Variants in MXD1 observed in about 807,000 individuals in gnomAD.
The protein encoded by MXD1 is MAX dimerization protein 1.
Under a neutral mutation model 25.7 loss-of-function variants are expected in MXD1, and 9 were observed. The observed-to-expected ratio is 0.35, with a 90% CI of 0.21 to 0.61. The LOEUF (loss-of-function observed/expected upper bound fraction) is 0.61, where lower values mean the gene tolerates loss of function less well. Ranked by LOEUF, MXD1 falls within the 20% of genes least tolerant of loss-of-function variation. The probability of loss-of-function intolerance (pLI) is 0.75; values close to 1 mark genes in which losing one functional copy is unlikely to be tolerated. For missense variants in MXD1, 227 were observed against 292.4 expected (o/e 0.78, Z 1.63); for synonymous variants, 99 against 113.9 (o/e 0.87, Z 0.83).
At chr2:69,924,388 G>A (rs1397856799) in intron 3 of MXD1, among the ~76,000 whole-genome samples, 1 of 152,100 alleles carries the variant, frequency 6.6e-6, no homozygotes, top group Non-Finnish European at 1.5e-5. Flanking sequence ...GGTCTTTTAA[G>A]GTCTTGATAA....
intron 2 of MXD1, among the ~76,000 whole-genome samples, chr2:69,920,886 C>A (rs980652366): frequency 2.6e-5 from 4 of 152,178 alleles, no homozygotes; most frequent in Non-Finnish European, 4.4e-5. Context: ...TTAGGCCAGA[C>A]CTTGTCTTTA....
At chr2:69,934,417 C>G (rs1677371209) in intron 3 of MXD1, among the ~76,000 whole-genome samples, 1 of 152,218 alleles carries the variant, frequency 6.6e-6, no homozygotes, top group African/African-American at 2.4e-5. Context: ...CTCGTGCTCT[C>G]TCTTCAGTCA....
chr2:69,916,193 A>T lies in MXD1; in HGVS notation c.146A>T (p.Lys49Ile), dbSNP rs1228219961. The change falls in exon 2 of 6, where the codon AAA becomes ATA. Residue 49 changes from lysine to isoleucine, a missense_variant. Transcript: ENST00000264444. ...AGAGATGCCTTAAAACGGAGGAACA[A>T]ATCCAAAAAGAATAACAGCAGTAGC... The part of the protein sequence containing the change: ...KDRDALKRRN[K>I]SKKNNSSSRS... The T allele has an allele frequency of 6.2e-7, 1 of 1,611,156 alleles. No homozygotes were observed. The highest frequency in any genetic ancestry group is 1.3e-5 in the African/African-American group (1 of 74,868).
chr2:69,921,703 AT>A (rs1214775172), intron 2 of MXD1, 32 bp from the exon 3 acceptor site: 1 of 1,594,772 alleles, frequency 6.3e-7, no homozygotes, highest in East Asian at 2.3e-5. Flanking sequence ...AGACAAAAAT[AT>A]CTTATTCTTC....
chr2:69,916,462 C>T (rs976781141), intron 2 of MXD1: 1 of 308,146 alleles, frequency 3.2e-6, no homozygotes, highest in East Asian at 7.2e-5. Flanking sequence ...AATTTAATTT[C>T]ACTTTTCTTC....
chr2:69,921,397 A>T lies in MXD1; in HGVS notation c.174-339A>T, dbSNP rs1057487242. Among the ~76,000 whole-genome samples the T allele has an allele frequency of 3.3e-5, 5 of 152,332 alleles. No individual in the cohort carries two copies. The East Asian group carries it at 5.8e-4, about 18-fold the overall frequency. On this transcript the variant is annotated intron_variant, in intron 2 of 5. Coordinates refer to ENST00000264444, the MANE Select transcript of MXD1 (RefSeq NM_002357.4). ...CCTGTTCTACCCTTAGCCTACAGAA[A>T]GCTTTGTCGTATTATATAACGCAAA...
At chr2:69,937,052 G>A (rs1677465193) in intron 4 of MXD1, 183 bp from the exon 5 acceptor site, 1 of 797,540 alleles carries the variant, frequency 1.3e-6, no homozygotes, top group African/African-American at 1.7e-5. Context: ...ATGCTGAAGA[G>A]TCAGACGAAG....
intron 2 of MXD1, among the ~76,000 whole-genome samples, chr2:69,918,318 A>G (rs6718298): frequency 6.6e-6 from 1 of 152,012 alleles, no homozygotes; most frequent in Admixed American, 6.5e-5. Context: ...ATAAAAGATA[A>G]GATTTTGCCA....
In MXD1 at chr2:69,941,847, GA is replaced by G. The variant is rs1290947316; in HGVS notation, c.*3567del. ...TCCTTTCAAGAGAGAACTTATTTTT[GA>G]AAAGTATCTATATATACACACACAC... On this transcript the variant is annotated 3_prime_UTR_variant, in exon 6 of 6. Transcript: ENST00000264444. 6.7e-6 allele frequency: 1 copy of G among 149,914 alleles called. No individual in the cohort carries two copies. The highest frequency in any genetic ancestry group is 1.9e-4 in the East Asian group (1 of 5,162). The allele number at this position is 149,914 out of a possible 1,614,324, so 9.3% of individuals were successfully genotyped here.
At chr2:69,929,262 AC>A (rs1473409525) in intron 3 of MXD1, among the ~76,000 whole-genome samples, 1 of 152,220 alleles carries the variant, frequency 6.6e-6, no homozygotes, top group African/African-American at 2.4e-5. Flanking sequence ...ACACACACAT[AC>A]CCACACACCC....
intron 2 of MXD1, among the ~76,000 whole-genome samples, chr2:69,919,203 A>G (rs1340217128): frequency 6.6e-6 from 1 of 152,228 alleles, no homozygotes; most frequent in African/African-American, 2.4e-5. Flanking sequence ...TATTTTGGTA[A>G]GAATTTCCTG....
intron 3 of MXD1, among the ~76,000 whole-genome samples, chr2:69,934,404 ACT>A (rs1212356278): frequency 1.3e-5 from 2 of 152,082 alleles, no homozygotes; most frequent in East Asian, 3.9e-4. Context: ...AGTTGGAGCA[ACT>A]CTCGTGCTCT....
Position 69,925,917 on chromosome 2 carries a change from C to T in MXD1, c.203+4152C>T, listed in dbSNP as rs77087119. On this transcript the variant is annotated intron_variant, in intron 3 of 5. Coordinates refer to ENST00000264444, the MANE Select transcript of MXD1 (RefSeq NM_002357.4). ...CACAAGTTGATGTTATAACTTAAAA[C>T]CTTTATGAGTTTGATAAGTAAAAAA... 9.3e-5 allele frequency among the ~76,000 whole-genome samples: 14 copies of T among 150,040 alleles called. No individual in the cohort carries two copies. In the East Asian group the frequency reaches 2.7e-3, roughly 29 times the overall value.
In MXD1 at chr2:69,927,863, C is replaced by T. The variant is rs149485075; in HGVS notation, c.203+6098C>T. ...GCACAATTGTGAGAAATCTTCAAAA[C>T]CTTTTAGGGTTCCAATTAAGTTGGT... is the stretch of plus-strand genomic sequence containing the variant. On this transcript the variant is annotated intron_variant, in intron 3 of 5. Transcript: ENST00000264444. Among the ~76,000 whole-genome samples the T allele has an allele frequency of 3.3e-3, 500 of 152,234 alleles. 2 individuals are homozygous for T. Among genetic ancestry groups the T allele is most frequent in the Middle Eastern group, 0.031 (9 of 294 alleles).
At chr2:69,935,529 C>T in intron 4 of MXD1, 64 bp downstream of exon 4, 1 of 1,147,016 alleles carries the variant, frequency 8.7e-7, no homozygotes, top group Non-Finnish European at 1.3e-6. Flanking sequence ...TCTGTTGTTA[C>T]ATCTCCAGGA....
rs985934080 is a variant in MXD1 at position 69,938,550 on chromosome 2, C to T, written c.*266C>T. On this transcript the variant is annotated 3_prime_UTR_variant, in exon 6 of 6. Transcript: ENST00000264444. ...TTGAAGCATCCAAGAATTCTTAGAC[C>T]GAATAAGCAATGTCCACATCTCAGC... The T allele has an allele frequency of 3.7e-5, 15 of 403,498 alleles. No homozygotes were observed. Among genetic ancestry groups the T allele is most frequent in the Admixed American group, 1.2e-4 (3 of 24,820 alleles). The allele number at this position is 403,498 out of a possible 1,614,324, so 25.0% of individuals were successfully genotyped here.
At chr2:69,922,496 T>C (rs1677085817) in intron 3 of MXD1, among the ~76,000 whole-genome samples, 2 of 152,248 alleles carry the variant, frequency 1.3e-5, no homozygotes, top group Non-Finnish European at 1.5e-5. Flanking sequence ...TTAAATACAT[T>C]ATACACATAC....
At chr2:69,936,996 C>T (rs761091639) in intron 4 of MXD1, 2 of 632,212 alleles carry the variant, frequency 3.2e-6, no homozygotes, top group South Asian at 3.0e-5. Flanking sequence ...TGTGAGAGCT[C>T]ACCCCCAGAA....
At chr2:69,921,954 C>T (rs1677072077) in intron 3 of MXD1, among the ~76,000 whole-genome samples, 189 bp downstream of exon 3, 2 of 152,166 alleles carry the variant, frequency 1.3e-5, no homozygotes, top group African/African-American at 4.8e-5. Flanking sequence ...AGTTAAAAGA[C>T]CACACCCCTA....
Sources: allele counts gnomAD v4.1 joint callset (sites outside exome capture counted in the v4.1 genomes callset), GRCh38; gene constraint gnomAD v4.1.1; transcripts MANE v1.5; gene names NCBI Gene and HGNC (gene_info 2026-07-23, HGNC 2026-07-21).